Variants in CHAT observed in about 807,000 individuals in gnomAD.
CHAT encodes acetyl CoA:choline O-acetyltransferase.
A neutral mutation model predicts 76.9 loss-of-function variants in CHAT; 61 were observed. That is an observed-to-expected ratio of 0.79 (90% CI 0.65 to 0.98). The LOEUF is 0.98. CHAT is among the 50% of genes least tolerant of loss of function. The pLI is 0.00. For synonymous variants in CHAT, 407 were observed against 397.4 expected (o/e 1.02, Z -0.29); for missense variants, 946 against 986.9 (o/e 0.96, Z 0.56).
chr10:49,658,132 A>G (rs2132840399), intron 13 of CHAT, among the ~76,000 whole-genome samples: 1 of 152,348 alleles, frequency 6.6e-6, no homozygotes, highest in African/African-American at 2.4e-5. Context: ...CTGTAATCCC[A>G]GCAATTTGGG....
chr10:49,646,729 G>A, intron 8 of CHAT, 55 bp downstream of exon 8: 1 of 1,591,754 alleles, frequency 6.3e-7, no homozygotes, highest in Non-Finnish European at 8.6e-7. Flanking sequence ...GCGAGAGAGT[G>A]AGTAGGCAAG....
At chr10:49,627,962 C>A (rs2132736792) in intron 7 of CHAT, among the ~76,000 whole-genome samples, 177 bp downstream of exon 7, 1 of 152,140 alleles carries the variant, frequency 6.6e-6, no homozygotes, top group Admixed American at 6.5e-5. Flanking sequence ...ACCTTTTGTG[C>A]CCTCGTGTTC....
At chr10:49,612,456 C>G (rs1590546826), upstream of CHAT, 3 of 1,024,632 alleles carry the variant, frequency 2.9e-6, no homozygotes, top group Non-Finnish European at 4.3e-6. Flanking sequence ...CCCAGCCACT[C>G]CTCAACCTTG....
chr10:49,617,456 C>T (rs886817221), intron 2 of CHAT, among the ~76,000 whole-genome samples: 4 of 152,206 alleles, frequency 2.6e-5, no homozygotes, highest in Non-Finnish European at 4.4e-5. Flanking sequence ...ATCTGAGACT[C>T]CCAGGTCCAA....
chr10:49,611,543 C>A (rs752851633), upstream of CHAT: 20 of 1,603,252 alleles, frequency 1.2e-5, no homozygotes, highest in Non-Finnish European at 1.4e-5. Context: ...CCCTTCTCGG[C>A]GGCTGCACGG....
intron 12 of CHAT, 37 bp from the exon 13 acceptor site, chr10:49,655,348 CT>C (rs764909777): frequency 4.3e-6 from 7 of 1,613,380 alleles, no homozygotes; most frequent in South Asian, 1.1e-5. Context: ...TCCAAGCAGC[CT>C]TTTAAACCCC....
At chr10:49,656,678 C>T (rs916115728) in intron 13 of CHAT, among the ~76,000 whole-genome samples, 1 of 152,202 alleles carries the variant, frequency 6.6e-6, no homozygotes, top group Admixed American at 6.5e-5. Flanking sequence ...GCACAGCTTG[C>T]AAAGGACAGT....
intron 4 of CHAT, 58 bp from the exon 5 acceptor site, chr10:49,622,039 A>C: frequency 1.3e-6 from 2 of 1,510,334 alleles, no homozygotes; most frequent in Non-Finnish European, 1.8e-6. Context: ...GAAGGGAGGG[A>C]GGGAGGGAGG....
rs1316813571 is a variant in CHAT, at chr10:49,664,911, T to C, written c.2112T>C (p.Ser704=). ...SSFHSCKETS[S]SKFAKAVEES... is the part of the protein sequence containing the mutation. ...TTCACAGCTGCAAAGAGACTTCTTC[T>C]AGCAAGTTTGCAAAAGCTGTGGAAG... The change falls in exon 15 of 15, where the codon TCT becomes TCC. Residue 704 remains serine (S), a synonymous_variant. Transcript: ENST00000337653. 2 of 1,614,134 alleles carry C rather than the reference T, an allele frequency of 1.2e-6. No individual in the cohort carries two copies. The highest frequency in any genetic ancestry group is 2.7e-5 in the African/African-American group (2 of 74,946).
upstream of CHAT, chr10:49,610,489 A>C: frequency 2.5e-6 from 1 of 404,302 alleles, no homozygotes; most frequent in African/African-American, 2.1e-5. Flanking sequence ...GGCGCGCCCG[A>C]CTTCCCGGCC....
At chr10:49,648,682 G>A (rs1839764435) in intron 9 of CHAT, 75 bp downstream of exon 9, 17 of 892,060 alleles carry the variant, frequency 1.9e-5, no homozygotes, top group South Asian at 2.8e-5. Context: ...TGTCAGTCTG[G>A]AAAGCGTCTT....
intron 2 of CHAT, among the ~76,000 whole-genome samples, chr10:49,618,271 AC>A (rs1235891518): frequency 2.0e-5 from 3 of 152,294 alleles, no homozygotes; most frequent in African/African-American, 4.8e-5. Flanking sequence ...ATAAATTAAG[AC>A]TGACCAGGAG....
chr10:49,627,901 A>AGGGCATGCTGT, intron 7 of CHAT, 116 bp downstream of exon 7: 2 of 1,238,508 alleles, frequency 1.6e-6, no homozygotes, highest in Non-Finnish European at 2.3e-6. Flanking sequence ...GTGGGAGCTC[A>AGGGCATGCTGT]GGGCCCACAG....
In CHAT at chr10:49,666,002, CAG is replaced by C. The variant is rs1431061974; in HGVS notation, c.*960_*961del. Among the ~76,000 whole-genome samples the C allele has an allele frequency of 6.6e-6, 1 of 152,162 alleles. No homozygotes were observed. The highest frequency in any genetic ancestry group is 1.5e-5 in the Non-Finnish European group (1 of 68,040). ...TTCCATTATCTGTTTTGTTTTAAGA[CAG>C]AGATTTTTAAGAAAACCACCCTGAC... On this transcript the variant is annotated 3_prime_UTR_variant, in exon 15 of 15. Coordinates refer to ENST00000337653, the MANE Select transcript of CHAT (RefSeq NM_020549.5).
intron 7 of CHAT, among the ~76,000 whole-genome samples, 199 bp downstream of exon 7, chr10:49,627,984 A>G (rs952519285): frequency 6.6e-6 from 1 of 151,822 alleles, no homozygotes; most frequent in African/African-American, 2.4e-5. Context: ...ATCTGACAGT[A>G]TCTGGCTTTC....
chr10:49,648,638 G>A (rs1164720705), intron 9 of CHAT, 31 bp downstream of exon 9: 12 of 1,520,544 alleles, frequency 7.9e-6, no homozygotes, highest in Non-Finnish European at 1.0e-5. Context: ...TGCCATGCTG[G>A]GCCCAAAAAA....
chr10:49,620,838 C>T (rs1262318110), intron 4 of CHAT, among the ~76,000 whole-genome samples: 1 of 152,238 alleles, frequency 6.6e-6, no homozygotes, highest in African/African-American at 2.4e-5. Flanking sequence ...ATTTATCTTG[C>T]AGTGGAATGG....
intron 2 of CHAT, among the ~76,000 whole-genome samples, chr10:49,617,018 C>T (rs945486101): frequency 6.6e-6 from 1 of 152,190 alleles, no homozygotes; most frequent in Non-Finnish European, 1.5e-5. Context: ...GCCTTAGGCA[C>T]CATGTTCTCC....
In CHAT at chr10:49,665,138, C is replaced by A; in HGVS notation, c.*92C>A. 1 of 1,390,942 alleles carries A rather than the reference C, an allele frequency of 7.2e-7. No individual in the cohort carries two copies. The highest frequency in any genetic ancestry group is 1.0e-6 in the Non-Finnish European group (1 of 985,142). 86.2% of individuals were successfully genotyped at this position (1,390,942 alleles called of 1,614,324 possible). On this transcript the variant is annotated 3_prime_UTR_variant, in exon 15 of 15. Coordinates refer to ENST00000337653, the MANE Select transcript of CHAT (RefSeq NM_020549.5). ...TCCCGTCCCTTACCCCAGCTTTCCA[C>A]AGCTCCCTGTCCTCAGGGTCCAACT...
Sources: gnomAD v4.1 joint callset for allele counts (sites outside exome capture counted in the v4.1 genomes callset) on GRCh38, gnomAD v4.1.1 for gene constraint, MANE v1.5 for transcripts, NCBI Gene and HGNC (gene_info 2026-07-23, HGNC 2026-07-21) for gene names.